Variants in DHX57 observed in about 807,000 individuals in gnomAD.
DHX57 encodes the protein putative ATP-dependent RNA helicase DHX57.
A neutral mutation model predicts 156.2 loss-of-function variants in DHX57; 105 were observed. The ratio of observed to expected loss-of-function variants is 0.67; its 90% CI spans 0.57 to 0.79. DHX57 has a LOEUF of 0.79. DHX57 is among the 30% of genes least tolerant of loss of function. The pLI is 0.00. For missense variants in DHX57, 1,847 were observed against 1,661.9 expected, an observed-to-expected ratio of 1.11 and a Z score of -1.94; for synonymous variants, 704 against 595.6, an observed-to-expected ratio of 1.18 and a Z score of -2.65.
At position 38,844,242 on chromosome 2, in the gene DHX57, A is replaced by C. The variant is rs1041241004; in HGVS notation, c.2220-1032T>G. On this transcript the variant is annotated intron_variant, in intron 11 of 23. Coordinates refer to ENST00000457308, the MANE Select transcript of DHX57 (RefSeq NM_198963.3). ...ATAAGTATACTTTCAAGGAGCTTAC[A>C]AACTAGTGAGAACAGAACAAAACAA... 2.0e-5 allele frequency among the ~76,000 whole-genome samples: 3 copies of C among 152,210 alleles called. No individual in the cohort carries two copies. The South Asian group carries it at 6.2e-4, about 32-fold the overall frequency.
At chr2:38,815,186 C>A (rs181549371) in intron 20 of DHX57, among the ~76,000 whole-genome samples, 1 of 152,186 alleles carries the variant, frequency 6.6e-6, no homozygotes, top group African/African-American at 2.4e-5. Context: ...CCCACCTCAC[C>A]CTCCCACATA....
chr2:38,838,526 C>G (rs1301439523), intron 12 of DHX57, among the ~76,000 whole-genome samples: 1 of 152,232 alleles, frequency 6.6e-6, no homozygotes, highest in Non-Finnish European at 1.5e-5. Context: ...CTCCTCATTC[C>G]TTCCCCTCTT....
intron 12 of DHX57, chr2:38,838,677 C>T: frequency 2.5e-6 from 1 of 407,548 alleles, no homozygotes; most frequent in South Asian, 1.8e-5. Flanking sequence ...CTATGGCAAT[C>T]AATGGACAGA....
At position 38,858,853 on chromosome 2, in the gene DHX57, G is replaced by C. The variant is rs1400010707; in HGVS notation, c.1412-17C>G. 1.2e-6 allele frequency: 2 copies of C among 1,603,498 alleles called. No homozygotes were observed. The highest frequency in any genetic ancestry group is 1.3e-5 in the African/African-American group (1 of 74,128). ...CTTTTTCAACTTGAAGGAAATAAAAGAAAACATTTCAGTATGGAGCCCTTT... is the reference window on the plus strand; with the variant it reads ...CTTTTTCAACTTGAAGGAAATAAAACAAAACATTTCAGTATGGAGCCCTTT... On this transcript the variant is annotated splice_polypyrimidine_tract_variant and intron_variant, in intron 5 of 23. Transcript: ENST00000457308.
intron 21 of DHX57, chr2:38,811,671 G>A (rs1168004258): frequency 2.3e-5 from 26 of 1,117,538 alleles, no homozygotes; most frequent in Non-Finnish European, 3.3e-5. Flanking sequence ...TGGGATTGGA[G>A]GTGCAATTCC....
rs758834166 is a variant in DHX57 at position 38,858,839 on chromosome 2, TGAA to T, written c.1412-6_1412-4del. 6 of 1,607,312 alleles carry T rather than the reference TGAA, an allele frequency of 3.7e-6. No individual in the cohort carries two copies. The South Asian group carries it at 6.7e-5, about 18-fold the overall frequency. ...CTCAGATTCTGATGCTTTTTCAACT[TGAA>T]GGAAATAAAAGAAAACATTTCAGTA... On this transcript the variant is annotated splice_polypyrimidine_tract_variant and splice_region_variant and intron_variant, in intron 5 of 23. Coordinates refer to ENST00000457308, the MANE Select transcript of DHX57 (RefSeq NM_198963.3).
At position 38,856,442 on chromosome 2, in the gene DHX57, G is replaced by C. The variant is rs1199936031; in HGVS notation, c.1607C>G (p.Ser536Cys). 1 of 1,612,236 alleles carries C rather than the reference G, an allele frequency of 6.2e-7. No individual in the cohort carries two copies. The highest frequency in any genetic ancestry group is 8.5e-7 in the Non-Finnish European group (1 of 1,179,634). Residue 536 changes from serine (S) to cysteine (C), a missense_variant, in exon 7 of 24, where the codon TCC becomes TGC. Coordinates refer to ENST00000457308, the MANE Select transcript of DHX57 (RefSeq NM_198963.3). ...GAGTGATTGCCTCTCTTGCAGAATG[G>C]ACTGGAACTGTCTGGAAGCCTAATA... ...RMKQASRQFQ[S>C]ILQERQSLPA...
intron 6 of DHX57, among the ~76,000 whole-genome samples, chr2:38,857,526 A>G (rs1672962457): frequency 6.6e-6 from 1 of 152,188 alleles, no homozygotes; most frequent in Non-Finnish European, 1.5e-5. Context: ...CCTACAGTGC[A>G]ATTTATATAC....
Position 38,854,091 on chromosome 2 carries a change from TA to T in DHX57, c.1992del (p.His664GlnfsTer19). 6.2e-7 allele frequency: 1 copy of T among 1,613,904 alleles called. No homozygotes were observed. Among genetic ancestry groups the T allele is most frequent in the South Asian group, 1.1e-5 (1 of 91,032 alleles). On this transcript the variant is annotated frameshift_variant, in exon 9 of 24. Coordinates refer to ENST00000457308, the MANE Select transcript of DHX57 (RefSeq NM_198963.3). LOFTEE classifies it high-confidence loss of function. ...EGDTALQGVS[H>X]IIVDEVHERT... ...CTCTCATGAACTTCATCAACAATGA[TA>T]TGGGAAACTCCTTGTAGAGCTGTAT... is the stretch of plus-strand genomic sequence containing the variant.
chr2:38,824,979 T>C lies in DHX57; in HGVS notation c.3014+868A>G, dbSNP rs187381519. Among the ~76,000 whole-genome samples the C allele has an allele frequency of 2.4e-4, 36 of 152,314 alleles. 1 individual carries two copies. The highest frequency in any genetic ancestry group is 8.7e-4 in the African/African-American group (36 of 41,576). The stretch of plus-strand genomic sequence containing the variant: ...CTGCAGTCATTGTTTATAAAATTAA[T>C]CTGCATTGTGTCCTGCCTTGTGATA... On this transcript the variant is annotated intron_variant, in intron 16 of 23. Transcript: ENST00000457308.
At chr2:38,817,887 G>A (rs1416849527) in intron 19 of DHX57, among the ~76,000 whole-genome samples, 1 of 151,446 alleles carries the variant, frequency 6.6e-6, no homozygotes, top group African/African-American at 2.4e-5. Context: ...TTGTAGAGAT[G>A]GGGTTTTGCC....
intron 13 of DHX57, among the ~76,000 whole-genome samples, chr2:38,836,068 T>C (rs184394596): frequency 6.6e-6 from 1 of 152,306 alleles, no homozygotes; most frequent in Admixed American, 6.5e-5. Flanking sequence ...ACATTGACAT[T>C]AGACAGTCTG....
intron 13 of DHX57, among the ~76,000 whole-genome samples, chr2:38,831,819 C>T (rs191852569): frequency 1.3e-3 from 190 of 147,924 alleles, no homozygotes; most frequent in African/African-American, 4.5e-3. Flanking sequence ...ATCACACCAT[C>T]GCACTCCAGA....
chr2:38,811,666 T>C (rs929685629), intron 21 of DHX57: 8 of 1,164,700 alleles, frequency 6.9e-6, no homozygotes, highest in Non-Finnish European at 8.7e-6. Flanking sequence ...GCATCTGGGA[T>C]TGGAGGTGCA....
chr2:38,824,531 T>A (rs1199758832), intron 16 of DHX57, among the ~76,000 whole-genome samples: 1 of 152,212 alleles, frequency 6.6e-6, no homozygotes, highest in Non-Finnish European at 1.5e-5. Flanking sequence ...TAATAAAAAC[T>A]GGACATGATT....
intron 12 of DHX57, among the ~76,000 whole-genome samples, chr2:38,840,882 G>T (rs986458922): frequency 6.6e-6 from 1 of 152,136 alleles, no homozygotes; most frequent in Non-Finnish European, 1.5e-5. Flanking sequence ...GCACTAGTGC[G>T]ATCATAGCTC....
At chr2:38,818,625 A>G (rs893583899) in intron 19 of DHX57, among the ~76,000 whole-genome samples, 2 of 152,176 alleles carry the variant, frequency 1.3e-5, no homozygotes, top group African/African-American at 4.8e-5. Context: ...CTTACTGCCT[A>G]TATTCTACCC....
intron 19 of DHX57, among the ~76,000 whole-genome samples, chr2:38,818,167 T>A (rs970480068): frequency 6.6e-6 from 1 of 152,124 alleles, no homozygotes. Context: ...CTCTCCAGAA[T>A]AATGCACATA....
chr2:38,859,692 C>T lies in DHX57; in HGVS notation c.1412-856G>A, dbSNP rs1239206232. Reference sequence around the variant, plus strand: ...TGAGTGAATCTGGCTAAATGACCAGCAGCCACATCTCAGAACAGTGTCACT... The same window carrying T: ...TGAGTGAATCTGGCTAAATGACCAGTAGCCACATCTCAGAACAGTGTCACT... On this transcript the variant is annotated intron_variant, in intron 5 of 23. Coordinates refer to ENST00000457308, the MANE Select transcript of DHX57 (RefSeq NM_198963.3). Among the ~76,000 whole-genome samples the T allele has an allele frequency of 2.0e-5, 3 of 152,254 alleles. No homozygotes were observed. In the South Asian group the frequency reaches 6.2e-4, roughly 32 times the overall value.
Sources: allele counts gnomAD v4.1 joint callset (sites outside exome capture counted in the v4.1 genomes callset), GRCh38; gene constraint gnomAD v4.1.1; transcripts MANE v1.5; gene names NCBI Gene and HGNC (gene_info 2026-07-23, HGNC 2026-07-21).